The following AGAP1 variants were observed in gnomAD, a reference collection of about 807,000 sequenced individuals.
The protein encoded by AGAP1 is ArfGAP with GTPase domain, ankyrin repeat and PH domain 1, also known as arf-GAP with GTPase, ANK repeat and PH domain-containing protein 1.
In AGAP1, 29 loss-of-function variants were observed where a neutral mutation model predicts 105.3. That is an observed-to-expected ratio of 0.28 (90% CI 0.21 to 0.38). AGAP1 has a LOEUF of 0.38. AGAP1 is among the 10% of genes least tolerant of loss of function. AGAP1 has a pLI of 1.00. For missense variants in AGAP1, 998 were observed against 1,165.1 expected (o/e 0.86, Z 2.09); for synonymous variants, 509 against 485.9 (o/e 1.05, Z -0.63).
Position 235,714,780 on chromosome 2 carries a change from T to C in AGAP1, c.223-2777T>C, listed in dbSNP as rs1024620826. On this transcript the variant is annotated intron_variant, in intron 2 of 17. Coordinates refer to ENST00000304032, the MANE Select transcript of AGAP1 (RefSeq NM_001037131.3). The surrounding 1 kb of genome is among the most constrained non-coding windows in gnomAD (Gnocchi z 4.1). Reference sequence around the variant, plus strand: ...CCAAATTTGTTCTCTTATATGTTTGTTTGTTTTCTTTTTTGTTGTTGTTTT... The same window carrying C: ...CCAAATTTGTTCTCTTATATGTTTGCTTGTTTTCTTTTTTGTTGTTGTTTT... 1.3e-5 allele frequency among the ~76,000 whole-genome samples: 2 copies of C among 152,040 alleles called. No individual in the cohort carries two copies. The highest frequency in any genetic ancestry group is 4.8e-5 in the African/African-American group (2 of 41,406).
chr2:235,994,299 C>T lies in AGAP1; in HGVS notation c.1645+25676C>T, dbSNP rs553854048. ...TTTCTCCATGTCTGTGCTTTTATGCCCTCCTGAAAGCTGGTTCCATTTAGG... is the reference window on the plus strand; with the variant it reads ...TTTCTCCATGTCTGTGCTTTTATGCTCTCCTGAAAGCTGGTTCCATTTAGG... On this transcript the variant is annotated intron_variant, in intron 13 of 17. Coordinates refer to ENST00000304032, the MANE Select transcript of AGAP1 (RefSeq NM_001037131.3). The surrounding 1 kb of genome is among the most constrained non-coding windows in gnomAD (Gnocchi z 4.4). Among the ~76,000 whole-genome samples, 2 of 152,206 alleles carry T rather than the reference C, an allele frequency of 1.3e-5. No individual in the cohort carries two copies. The highest frequency in any genetic ancestry group is 1.9e-4 in the East Asian group (1 of 5,172).
intron 5 of AGAP1, among the ~76,000 whole-genome samples, chr2:235,745,119 A>ATG (rs762878924): frequency 7.2e-5 from 11 of 151,996 alleles, no homozygotes; most frequent in African/African-American, 1.9e-4. Flanking sequence ...AAAAATATAT[A>ATG]TGTGTGTGTG....
At chr2:235,852,907 G>A (rs1196328336) in intron 9 of AGAP1, 11 of 1,324,304 alleles carry the variant, frequency 8.3e-6, no homozygotes, top group Admixed American at 3.6e-5. Flanking sequence ...CTTGCAGGCC[G>A]CTGCTGTTTG....
Position 236,089,443 on chromosome 2 carries a change from A to G in AGAP1, c.2115-30749A>G, listed in dbSNP as rs1576278425. Reference sequence around the variant, plus strand: ...ACTGCATGCTGGAGATAAAGCGCCTACTAGGCTGCCGGGTACTGGCAGAAG... The same window carrying G: ...ACTGCATGCTGGAGATAAAGCGCCTGCTAGGCTGCCGGGTACTGGCAGAAG... On this transcript the variant is annotated intron_variant, in intron 16 of 17. Coordinates refer to ENST00000304032, the MANE Select transcript of AGAP1 (RefSeq NM_001037131.3). The surrounding 1 kb of genome is among the most constrained non-coding windows in gnomAD (Gnocchi z 5.6). Among the ~76,000 whole-genome samples, 1 of 152,322 alleles carries G rather than the reference A, an allele frequency of 6.6e-6. No homozygotes were observed. Among genetic ancestry groups the G allele is most frequent in the African/African-American group, 2.4e-5 (1 of 41,570 alleles).
chr2:235,822,488 A>AAGCTCAAGAATGAAGAGAAGCTGGAGC (rs1559529137), intron 9 of AGAP1, among the ~76,000 whole-genome samples: 9 of 151,962 alleles, frequency 5.9e-5, no homozygotes, highest in African/African-American at 4.8e-5. Context: ...AGAGCTGGAG[A>AAGCTCAAGAATGAAGAGAAGCTGGAGC]AGCTCAAGAA....
intron 13 of AGAP1, among the ~76,000 whole-genome samples, chr2:236,034,318 T>A (rs1268306848): frequency 6.6e-6 from 1 of 151,302 alleles, no homozygotes; most frequent in Non-Finnish European, 1.5e-5. Flanking sequence ...TTTTTTTTAA[T>A]GAAATCTCCA....
At chr2:235,952,141 C>G (rs1054116860) in intron 12 of AGAP1, among the ~76,000 whole-genome samples, 8 of 152,120 alleles carry the variant, frequency 5.3e-5, no homozygotes, top group African/African-American at 1.4e-4. Flanking sequence ...ATGTGCTGAG[C>G]AGAGCTCACC....
intron 1 of AGAP1, among the ~76,000 whole-genome samples, chr2:235,529,580 C>T (rs1054693863): frequency 1.3e-5 from 2 of 152,164 alleles, no homozygotes; most frequent in Non-Finnish European, 2.9e-5. Context: ...ACAGCTCACG[C>T]TCCCCACATC....
rs556695644 is a variant in AGAP1 at position 236,115,381 on chromosome 2, C to T, written c.2115-4811C>T. Among the ~76,000 whole-genome samples the T allele has an allele frequency of 1.2e-4, 19 of 152,254 alleles. No homozygotes were observed. The South Asian group carries it at 3.1e-3, about 25-fold the overall frequency. On this transcript the variant is annotated intron_variant, in intron 16 of 17. Coordinates refer to ENST00000304032, the MANE Select transcript of AGAP1 (RefSeq NM_001037131.3). The stretch of plus-strand genomic sequence containing the variant: ...TCCAAGAAGTTATTAGAAAGGCGAA[C>T]GTCTACACCACTAAGTCGAGAAAAG...
intron 1 of AGAP1, among the ~76,000 whole-genome samples, chr2:235,514,568 G>C (rs1942301929): frequency 6.6e-6 from 1 of 152,258 alleles, no homozygotes; most frequent in African/African-American, 2.4e-5. Context: ...GATCACCTGA[G>C]TCCTGCCCCT....
intron 1 of AGAP1, among the ~76,000 whole-genome samples, chr2:235,703,536 G>T (rs1330180116): frequency 3.3e-5 from 5 of 151,208 alleles, no homozygotes; most frequent in African/African-American, 1.2e-4. Context: ...GGAAAGAATT[G>T]CTCCCCTCTT....
chr2:236,110,818 A>G (rs1027477850), intron 16 of AGAP1, among the ~76,000 whole-genome samples: 1 of 152,210 alleles, frequency 6.6e-6, no homozygotes, highest in Non-Finnish European at 1.5e-5. Context: ...TGGGGCTGCT[A>G]TAACAAAATA....
At position 235,792,753 on chromosome 2, in the gene AGAP1, G is replaced by C. The variant is rs533167559; in HGVS notation, c.674-5006G>C. Among the ~76,000 whole-genome samples the C allele has an allele frequency of 8.5e-5, 13 of 152,318 alleles. No homozygotes were observed. The East Asian group carries it at 2.5e-3, about 29-fold the overall frequency. ...GTCTGAGAGAGGCTAGGAGGCCCAG[G>C]CTGGGCGGCGCGGACTTGAAGGCGC... On this transcript the variant is annotated intron_variant, in intron 6 of 17. Transcript: ENST00000304032. This position sits in a 1 kb window ranked among gnomAD's most constrained non-coding sequence, Gnocchi z 5.3.
At position 236,090,068 on chromosome 2, in the gene AGAP1, C is replaced by T. The variant is rs1018317808; in HGVS notation, c.2115-30124C>T. ...GTGAGTGGAGTTGCAGGGAGGAGCA[C>T]GTGTTTACCAGGAAACCCACTGCTC... On this transcript the variant is annotated intron_variant, in intron 16 of 17. Coordinates refer to ENST00000304032, the MANE Select transcript of AGAP1 (RefSeq NM_001037131.3). The surrounding 1 kb of genome is among the most constrained non-coding windows in gnomAD (Gnocchi z 4.3). 7.9e-5 allele frequency among the ~76,000 whole-genome samples: 12 copies of T among 152,160 alleles called. No individual in the cohort carries two copies. Among genetic ancestry groups the T allele is most frequent in the Non-Finnish European group, 1.3e-4 (9 of 68,028 alleles).
At chr2:235,773,150 T>C (rs918951832) in intron 6 of AGAP1, among the ~76,000 whole-genome samples, 2 of 152,178 alleles carry the variant, frequency 1.3e-5, no homozygotes, top group Admixed American at 6.5e-5. Flanking sequence ...AGCCGGAGCA[T>C]AGGGGCTCAA....
rs1485607754 is a variant in AGAP1 at position 235,864,667 on chromosome 2, C to A, written c.1051-18678C>A. ...GAGACAGAGTGAAAGGAAAGAAAAA[C>A]GAGGCGATCAAGAGATAATATTAAC... On this transcript the variant is annotated intron_variant, in intron 9 of 17. Coordinates refer to ENST00000304032, the MANE Select transcript of AGAP1 (RefSeq NM_001037131.3). The surrounding 1 kb of genome is among the most constrained non-coding windows in gnomAD (Gnocchi z 5.0). Among the ~76,000 whole-genome samples, 1 of 152,080 alleles carries A rather than the reference C, an allele frequency of 6.6e-6. No individual in the cohort carries two copies. The highest frequency in any genetic ancestry group is 1.5e-5 in the Non-Finnish European group (1 of 68,024).
intron 16 of AGAP1, among the ~76,000 whole-genome samples, chr2:236,057,355 T>C (rs898414345): frequency 6.6e-6 from 1 of 152,186 alleles, no homozygotes; most frequent in African/African-American, 2.4e-5. Context: ...GTGATTTGCC[T>C]GCCTTGGCCC....
At chr2:235,652,316 G>A (rs1947622148) in intron 1 of AGAP1, among the ~76,000 whole-genome samples, 1 of 152,006 alleles carries the variant, frequency 6.6e-6, no homozygotes, top group Non-Finnish European at 1.5e-5. Flanking sequence ...CCAGCCTTCA[G>A]CCACGCAGCC....
At chr2:236,013,539 G>T (rs2056590922) in intron 13 of AGAP1, among the ~76,000 whole-genome samples, 1 of 152,120 alleles carries the variant, frequency 6.6e-6, no homozygotes, top group African/African-American at 2.4e-5. Flanking sequence ...GGCCAGCCTG[G>T]CTGCCTGCTT....
Sources: gnomAD v4.1 joint callset for allele counts (sites outside exome capture counted in the v4.1 genomes callset) on GRCh38, gnomAD v4.1.1 for gene constraint, Gnocchi (gnomAD v3.1) non-coding constraint, MANE v1.5 for transcripts, NCBI Gene and HGNC (gene_info 2026-07-23, HGNC 2026-07-21) for gene names.